AGBL4: variants seen among roughly 807,000 people sequenced by gnomAD.
AGBL4 encodes cytosolic carboxypeptidase 6.
Under a neutral mutation model 66.4 loss-of-function variants are expected in AGBL4, and 58 were observed. The ratio of observed to expected loss-of-function variants is 0.87; its 90% confidence interval spans 0.71 to 1.09. AGBL4 has a LOEUF of 1.09. Ranked by LOEUF, AGBL4 falls within the 50% of genes least tolerant of loss-of-function variation. The pLI, the probability that AGBL4 is intolerant of heterozygous loss-of-function variation, is 0.00. For synonymous variants in AGBL4, 234 were observed against 222.9 expected (o/e 1.05, Z -0.44); for missense variants, 579 against 631.0 (o/e 0.92, Z 0.88).
intron 6 of AGBL4, among the ~76,000 whole-genome samples, chr1:48,800,624 T>C (rs1279728383): frequency 6.6e-6 from 1 of 152,238 alleles, no homozygotes; most frequent in Non-Finnish European, 1.5e-5. Context: ...GATGTGGGCA[T>C]TTAATGCTAT....
At chr1:49,860,092 C>T (rs777996329) in intron 1 of AGBL4, among the ~76,000 whole-genome samples, 37 of 152,228 alleles carry the variant, frequency 2.4e-4, no homozygotes, top group Non-Finnish European at 4.1e-4. Context: ...GAGAAACAAA[C>T]CTTGTGAATG....
chr1:49,881,048 C>T (rs1226809083), intron 1 of AGBL4, among the ~76,000 whole-genome samples: 3 of 152,104 alleles, frequency 2.0e-5, no homozygotes, highest in South Asian at 2.1e-4. Flanking sequence ...CACTGGCCTG[C>T]GCCCACTGTC....
At chr1:49,335,638 C>T (rs939366919) in intron 3 of AGBL4, among the ~76,000 whole-genome samples, 3 of 152,030 alleles carry the variant, frequency 2.0e-5, no homozygotes, top group Non-Finnish European at 4.4e-5. Flanking sequence ...GCCTCAGCTT[C>T]CCGAGTAGCT....
At chr1:49,414,739 T>C (rs1287241814) in intron 3 of AGBL4, among the ~76,000 whole-genome samples, 1 of 152,100 alleles carries the variant, frequency 6.6e-6, no homozygotes, top group Admixed American at 6.6e-5. Flanking sequence ...CACAGATCTA[T>C]CACTTACTTA....
intron 4 of AGBL4, among the ~76,000 whole-genome samples, chr1:49,203,088 CAA>C (rs139732827): frequency 3.7e-5 from 5 of 135,898 alleles, no homozygotes; most frequent in Non-Finnish European, 3.1e-5. Context: ...TGGCTACTAT[CAA>C]AAAAAAAAAA....
chr1:48,656,665 C>A (rs1355831895), intron 7 of AGBL4, among the ~76,000 whole-genome samples: 4 of 152,170 alleles, frequency 2.6e-5, no homozygotes, highest in Admixed American at 2.0e-4. Context: ...AAAATCACGT[C>A]CTTTTCAGCA....
intron 4 of AGBL4, among the ~76,000 whole-genome samples, chr1:49,232,282 C>A (rs1650374780): frequency 6.6e-6 from 1 of 152,108 alleles, no homozygotes; most frequent in Admixed American, 6.6e-5. Flanking sequence ...CTTGATCAGA[C>A]CCACATCTGG....
At position 48,909,378 on chromosome 1, in the gene AGBL4, T is replaced by C. The variant is rs893552841; in HGVS notation, c.595-42148A>G. Among the ~76,000 whole-genome samples the C allele has an allele frequency of 3.2e-4, 49 of 152,206 alleles. 2 individuals carry two copies. The highest frequency in any genetic ancestry group is 1.4e-3 in the Admixed American group (22 of 15,286). ...TAAAGGCAAACTCTCCTCCCATCTG[T>C]ACCTCCATAGCTAAGGCAGAAGCCA... On this transcript the variant is annotated intron_variant, in intron 5 of 13. Transcript: ENST00000371839.
intron 2 of AGBL4, chr1:49,845,391 TCA>T: frequency 7.2e-7 from 1 of 1,383,636 alleles, no homozygotes; most frequent in Non-Finnish European, 1.0e-6. Flanking sequence ...ACAAGTGAAC[TCA>T]CACAAACAAG....
chr1:48,570,602 A>C (rs1644546448), intron 11 of AGBL4, among the ~76,000 whole-genome samples: 1 of 152,138 alleles, frequency 6.6e-6, no homozygotes, highest in East Asian at 1.9e-4. Flanking sequence ...CATGAGAATT[A>C]AAGAAGCCAT....
intron 5 of AGBL4, among the ~76,000 whole-genome samples, chr1:48,964,104 G>T (rs911340053): frequency 6.6e-6 from 1 of 152,194 alleles, no homozygotes; most frequent in African/African-American, 2.4e-5. Flanking sequence ...GTCAGGGTAG[G>T]TGTAGGACAT....
At chr1:49,555,330 CA>C (rs1216249579) in intron 3 of AGBL4, among the ~76,000 whole-genome samples, 4 of 151,164 alleles carry the variant, frequency 2.6e-5, no homozygotes, top group African/African-American at 7.3e-5. Context: ...GGTGCATTTA[CA>C]AACCTTGAGC....
At chr1:49,939,332 C>T (rs1369553085) in intron 1 of AGBL4, among the ~76,000 whole-genome samples, 1 of 151,894 alleles carries the variant, frequency 6.6e-6, no homozygotes, top group Non-Finnish European at 1.5e-5. Context: ...TGACTTTCTT[C>T]ACAGAATTGG....
intron 3 of AGBL4, among the ~76,000 whole-genome samples, chr1:49,584,977 G>A (rs945105091): frequency 8.5e-5 from 13 of 152,206 alleles, no homozygotes; most frequent in East Asian, 3.9e-4. Context: ...CCTCTCCATC[G>A]TAGTTATTAT....
chr1:49,380,029 G>C (rs558776299), intron 3 of AGBL4, among the ~76,000 whole-genome samples: 3 of 152,156 alleles, frequency 2.0e-5, no homozygotes, highest in Admixed American at 2.0e-4. Flanking sequence ...GGAAATAAAG[G>C]GTATTCAATT....
chr1:49,904,964 T>A (rs1650127701), intron 1 of AGBL4, among the ~76,000 whole-genome samples: 1 of 152,098 alleles, frequency 6.6e-6, no homozygotes, highest in African/African-American at 2.4e-5. Context: ...CTATAAAAAA[T>A]TTTCTCTGCT....
At chr1:49,891,165 A>G (rs1053893399) in intron 1 of AGBL4, among the ~76,000 whole-genome samples, 1 of 152,210 alleles carries the variant, frequency 6.6e-6, no homozygotes, top group Admixed American at 6.5e-5. Flanking sequence ...CTGAAGAAGA[A>G]GCAAACTTGT....
intron 3 of AGBL4, among the ~76,000 whole-genome samples, chr1:49,313,030 C>A (rs1241517071): frequency 6.6e-6 from 1 of 152,002 alleles, no homozygotes; most frequent in South Asian, 2.1e-4. Context: ...CTCTAGCCCC[C>A]CAACCCCCAA....
At chr1:48,643,484 G>T (rs747460073) in intron 8 of AGBL4, among the ~76,000 whole-genome samples, 4 of 152,056 alleles carry the variant, frequency 2.6e-5, no homozygotes, top group Non-Finnish European at 4.4e-5. Flanking sequence ...AGACTCAAAG[G>T]GCTCTGAATC....
Sources: allele counts gnomAD v4.1 joint callset (sites outside exome capture counted in the v4.1 genomes callset), GRCh38; gene constraint gnomAD v4.1.1; transcripts MANE v1.5; gene names NCBI Gene and HGNC (gene_info 2026-07-23, HGNC 2026-07-21).